The following GUCY2F variants were observed in gnomAD, a reference collection of about 807,000 sequenced individuals.
GUCY2F encodes the protein guanylate cyclase 2F, retinal, also known as retinal guanylyl cyclase 2.
A neutral mutation model predicts 73.1 loss-of-function variants in GUCY2F; 61 were observed. That is an observed-to-expected ratio of 0.83 (90% CI 0.68 to 1.03). GUCY2F has a LOEUF of 1.03. Among genes scored for constraint, GUCY2F ranks in the 50% least tolerant of loss-of-function variants. GUCY2F has a pLI of 0.00. For synonymous variants in GUCY2F, 331 were observed against 307.8 expected (o/e 1.08, Z -0.79); for missense variants, 912 against 854.3 (o/e 1.07, Z -0.84).
chrX:109,386,619 G>A (rs1242389526), intron 15 of GUCY2F, among the ~76,000 whole-genome samples: 1 of 111,680 alleles, frequency 9.0e-6, no homozygotes, highest in Non-Finnish European at 1.9e-5. Context: ...GCATTGAAAG[G>A]GGAAAATGTA....
rs1389910273 is a variant in GUCY2F at position 109,376,141 on chromosome X, C to A, written c.3177G>T (p.Trp1059Cys). ...LKGKGTEETF[W>C]LIGKKGFMKP... ...TCATGAAGCCTTTTTTCCCAATCAGCCAGAAGGTTTCCTCTGTGCCTTTGC... is the reference window on the plus strand; with the variant it reads ...TCATGAAGCCTTTTTTCCCAATCAGACAGAAGGTTTCCTCTGTGCCTTTGC... The change falls in exon 18 of 20, where the codon TGG (tryptophan) becomes TGT (cysteine). Residue 1059 changes from tryptophan (W) to cysteine (C), a missense_variant. Transcript: ENST00000218006. The A allele has an allele frequency of 8.3e-7, 1 of 1,200,028 alleles. No homozygotes were observed. The highest frequency in any genetic ancestry group is 3.0e-5 in the East Asian group (1 of 33,782).
At chrX:109,420,522 T>A (rs1931350303) in intron 8 of GUCY2F, among the ~76,000 whole-genome samples, 1 of 110,623 alleles carries the variant, frequency 9.0e-6, no homozygotes, top group African/African-American at 3.3e-5. Flanking sequence ...ACAGAAGACA[T>A]CATAGACAAG....
intron 8 of GUCY2F, among the ~76,000 whole-genome samples, chrX:109,414,569 C>T (rs756740626): frequency 8.9e-6 from 1 of 111,858 alleles, no homozygotes; most frequent in Non-Finnish European, 1.9e-5. Flanking sequence ...AAATGATGAA[C>T]AAAATGTTAC....
chrX:109,395,589 G>C (rs1233779638), intron 11 of GUCY2F, 100 bp from the exon 12 acceptor site: 1 of 660,060 alleles, frequency 1.5e-6, no homozygotes. Flanking sequence ...GGTAGGTTAG[G>C]AGATAACACA....
At chrX:109,445,585 C>T (rs1374292022) in intron 6 of GUCY2F, among the ~76,000 whole-genome samples, 3 of 111,718 alleles carry the variant, frequency 2.7e-5, no homozygotes, top group Non-Finnish European at 3.8e-5. Context: ...GGTGGATAAG[C>T]TTTTTGATGT....
Position 109,441,386 on chromosome X carries a change from C to G in GUCY2F, c.1666G>C (p.Ala556Pro), listed in dbSNP as rs1569368693. 1 of 1,159,406 alleles carries G rather than the reference C, an allele frequency of 8.6e-7. No individual in the cohort carries two copies. The highest frequency in any genetic ancestry group is 1.2e-6 in the Non-Finnish European group (1 of 857,442). The change falls in exon 7 of 20, where the codon GCT (alanine) becomes CCT (proline). Residue 556 changes from alanine (A) to proline (P), a missense_variant. Transcript: ENST00000218006. ...LSFSSGSLTP[A>P]TYENSNIAIY... ...GCTATGTTGGAGTTTTCATAGGTAGCTGGAGTTAGACTCCCTGAAGAAAAG... is the reference window on the plus strand; with the variant it reads ...GCTATGTTGGAGTTTTCATAGGTAGGTGGAGTTAGACTCCCTGAAGAAAAG...
rs780765465 is a variant in GUCY2F, at chrX:109,452,090, C to A, written c.1405G>T (p.Ala469Ser). 4 of 1,111,846 alleles carry A rather than the reference C, an allele frequency of 3.6e-6. No individual in the cohort carries two copies. The highest frequency in any genetic ancestry group is 5.0e-6 in the Non-Finnish European group (4 of 804,694). 91.6% of individuals were successfully genotyped at this position (1,111,846 alleles called of 1,213,427 possible). The change falls in exon 5 of 20, where the codon GCC becomes TCC. Residue 469 changes from alanine (A) to serine (S), a missense_variant. Coordinates refer to ENST00000218006, the MANE Select transcript of GUCY2F (RefSeq NM_001522.3). Reference protein sequence around the residue: ...ICHGGIDPAFAMMVCLTLLIA... With the variant: ...ICHGGIDPAFSMMVCLTLLIA... ...AGCAAAGTAAGGCAGACCATCATGG[C>A]AAAGGCAGGGTCGATGCCTGCAGAG...
intron 2 of GUCY2F, among the ~76,000 whole-genome samples, chrX:109,467,079 G>A (rs1269259612): frequency 8.9e-6 from 1 of 112,237 alleles, no homozygotes; most frequent in Non-Finnish European, 1.9e-5. Flanking sequence ...AATTCTCGAA[G>A]GATATCTTTG....
intron 7 of GUCY2F, among the ~76,000 whole-genome samples, chrX:109,436,485 C>T (rs1931748471): frequency 2.7e-5 from 3 of 111,264 alleles, no homozygotes; most frequent in South Asian, 7.6e-4. Flanking sequence ...CACATGTACA[C>T]GTATGTTTAT....
chrX:109,447,557 T>A (rs1377084933), intron 6 of GUCY2F, among the ~76,000 whole-genome samples: 1 of 95,596 alleles, frequency 1.0e-5, no homozygotes, highest in Non-Finnish European at 2.0e-5. Flanking sequence ...TTCTCACTCA[T>A]AGGTGGGAAT....
chrX:109,458,187 A>G (rs761076165), intron 3 of GUCY2F, among the ~76,000 whole-genome samples: 1 of 112,157 alleles, frequency 8.9e-6, no homozygotes, highest in African/African-American at 3.2e-5. Flanking sequence ...TCACTTAGCA[A>G]TGTTACTTTG....
Position 109,393,934 on chromosome X carries a change from C to T in GUCY2F, c.2425-879G>A, listed in dbSNP as rs964548938. Among the ~76,000 whole-genome samples the T allele has an allele frequency of 7.1e-5, 8 of 112,291 alleles. No individual in the cohort carries two copies. The Admixed American group carries it at 7.5e-4, about 11-fold the overall frequency. On this transcript the variant is annotated intron_variant, in intron 12 of 19. Transcript: ENST00000218006. ...ATATATAGCTGGGCCACACATGCTC[C>T]ACCTAGCACCCAATGCCCCAAGGCC...
rs750342218 is a variant in GUCY2F at position 109,402,606 on chromosome X, C to A, written c.2125+1722G>T. 4.5e-5 allele frequency among the ~76,000 whole-genome samples: 5 copies of A among 111,283 alleles called. No individual in the cohort carries two copies. In the South Asian group the frequency reaches 1.9e-3, roughly 42 times the overall value. ...CAGGTTGGTCTCGAACTCCTGACCT[C>A]GTGATCTGCCCACCTCAGCCTCCCA... On this transcript the variant is annotated intron_variant, in intron 10 of 19. Transcript: ENST00000218006.
At chrX:109,392,843 C>T in intron 13 of GUCY2F, 49 bp downstream of exon 13, 1 of 713,405 alleles carries the variant, frequency 1.4e-6, no homozygotes, top group Non-Finnish European at 2.0e-6. Context: ...TTTTTTTTAA[C>T]AGAACACACT....
intron 2 of GUCY2F, among the ~76,000 whole-genome samples, chrX:109,472,034 C>T (rs1183145494): frequency 9.0e-6 from 1 of 111,699 alleles, no homozygotes; most frequent in Non-Finnish European, 1.9e-5. Context: ...TTAAATCTAT[C>T]ATTGCATTGA....
chrX:109,471,535 G>T (rs1285041647), intron 2 of GUCY2F, among the ~76,000 whole-genome samples: 4 of 112,215 alleles, frequency 3.6e-5, no homozygotes, highest in African/African-American at 1.3e-4. Context: ...CTGGATTTTG[G>T]CCCTCAAGTC....
intron 9 of GUCY2F, among the ~76,000 whole-genome samples, chrX:109,405,316 G>A (rs1312963855): frequency 2.7e-5 from 3 of 111,624 alleles, no homozygotes; most frequent in Admixed American, 9.5e-5. Flanking sequence ...AAAGAGGGTT[G>A]AGTAAATGCG....
At chrX:109,412,624 C>T (rs1931138776) in intron 8 of GUCY2F, among the ~76,000 whole-genome samples, 1 of 112,630 alleles carries the variant, frequency 8.9e-6, no homozygotes, top group Admixed American at 9.4e-5. Context: ...AAAAAGTTGT[C>T]ATATTCAATG....
At chrX:109,456,167 T>C (rs1932255361) in intron 3 of GUCY2F, among the ~76,000 whole-genome samples, 1 of 112,471 alleles carries the variant, frequency 8.9e-6, no homozygotes, top group African/African-American at 3.2e-5. Context: ...GCCTAGCACA[T>C]GCTGAGCTCC....
Sources: gnomAD v4.1 joint callset for allele counts (sites outside exome capture counted in the v4.1 genomes callset) on GRCh38, gnomAD v4.1.1 for gene constraint, MANE v1.5 for transcripts, NCBI Gene and HGNC (gene_info 2026-07-23, HGNC 2026-07-21) for gene names.